The following MPPED2 variants were observed in gnomAD, a reference collection of about 807,000 sequenced individuals.
MPPED2 encodes the protein metallophosphoesterase domain containing 2, also known as metallophosphoesterase MPPED2.
A neutral mutation model predicts 33.0 loss-of-function variants in MPPED2; 5 were observed. That is an observed-to-expected ratio of 0.15 (90% confidence interval 0.08 to 0.32). The LOEUF is 0.32. Ranked by LOEUF, MPPED2 falls within the 10% of genes least tolerant of loss-of-function variation. The pLI, the probability that MPPED2 is intolerant of heterozygous loss-of-function variation, is 1.00. For missense variants in MPPED2, 275 were observed against 372.1 expected, an observed-to-expected ratio of 0.74 and a Z score of 2.15; for synonymous variants, 136 against 141.9, an observed-to-expected ratio of 0.96 and a Z score of 0.29.
intron 4 of MPPED2, among the ~76,000 whole-genome samples, chr11:30,454,095 G>A (rs1045915396): frequency 6.6e-6 from 1 of 152,158 alleles, no homozygotes; most frequent in Non-Finnish European, 1.5e-5. Flanking sequence ...TTAAAAGGGA[G>A]GGGGCTTCTT....
At chr11:30,399,141 A>G (rs905342401) in intron 6 of MPPED2, among the ~76,000 whole-genome samples, 1 of 140,692 alleles carries the variant, frequency 7.1e-6, no homozygotes, top group African/African-American at 2.6e-5. Flanking sequence ...GGATATGGAA[A>G]CATTAAAAAA....
intron 4 of MPPED2, among the ~76,000 whole-genome samples, chr11:30,480,613 G>A (rs899571137): frequency 1.3e-5 from 2 of 152,090 alleles, no homozygotes; most frequent in African/African-American, 4.8e-5. Context: ...GGAGTTTTGA[G>A]ACTTTGCTCC....
intron 4 of MPPED2, among the ~76,000 whole-genome samples, chr11:30,461,463 G>A (rs1042083953): frequency 1.3e-5 from 2 of 152,120 alleles, no homozygotes; most frequent in African/African-American, 2.4e-5. Context: ...AACTGGCCTC[G>A]GTGAGTACTG....
intron 2 of MPPED2, among the ~76,000 whole-genome samples, chr11:30,563,169 CA>C (rs1351940562): frequency 6.7e-6 from 1 of 148,584 alleles, no homozygotes; most frequent in East Asian, 1.9e-4. Flanking sequence ...TCTCCTTGCT[CA>C]TTTCCTCCCT....
chr11:30,527,870 A>T (rs367837466), intron 3 of MPPED2, among the ~76,000 whole-genome samples: 1 of 152,328 alleles, frequency 6.6e-6, no homozygotes, highest in East Asian at 1.9e-4. Flanking sequence ...AAGAGCTGTC[A>T]CTGCACAGCA....
At chr11:30,467,430 C>G (rs1461736346) in intron 4 of MPPED2, among the ~76,000 whole-genome samples, 1 of 152,178 alleles carries the variant, frequency 6.6e-6, no homozygotes, top group African/African-American at 2.4e-5. Context: ...TCACTCCCAG[C>G]TTGGGAAGGG....
At chr11:30,389,132 T>G (rs1947739419) in intron 6 of MPPED2, among the ~76,000 whole-genome samples, 1 of 152,154 alleles carries the variant, frequency 6.6e-6, no homozygotes, top group African/African-American at 2.4e-5. Context: ...ATCTTGGCTT[T>G]TAACAAGGCC....
chr11:30,457,751 G>A (rs1305184213), intron 4 of MPPED2, among the ~76,000 whole-genome samples: 2 of 152,086 alleles, frequency 1.3e-5, no homozygotes, highest in East Asian at 1.9e-4. Flanking sequence ...CAAGTACACT[G>A]CAAAAAAGTT....
intron 2 of MPPED2, among the ~76,000 whole-genome samples, chr11:30,538,803 G>A (rs527349911): frequency 2.0e-5 from 3 of 152,152 alleles, no homozygotes; most frequent in Admixed American, 1.3e-4. Context: ...ACAGAAGATC[G>A]ATTCAAGGCA....
At chr11:30,480,398 G>A (rs1365956860) in intron 4 of MPPED2, among the ~76,000 whole-genome samples, 1 of 151,736 alleles carries the variant, frequency 6.6e-6, no homozygotes, top group Non-Finnish European at 1.5e-5. Context: ...CCAATTTCAT[G>A]TTAAAATAAT....
At chr11:30,470,495 T>A (rs971454469) in intron 4 of MPPED2, among the ~76,000 whole-genome samples, 2 of 152,188 alleles carry the variant, frequency 1.3e-5, no homozygotes, top group African/African-American at 4.8e-5. Flanking sequence ...GTTTCTTTTT[T>A]ATGTGATGAA....
At chr11:30,548,899 T>C (rs1955570503) in intron 2 of MPPED2, among the ~76,000 whole-genome samples, 1 of 152,188 alleles carries the variant, frequency 6.6e-6, no homozygotes, top group African/African-American at 2.4e-5. Flanking sequence ...TTCACAGTTG[T>C]ATGAAGATTA....
intron 2 of MPPED2, among the ~76,000 whole-genome samples, chr11:30,574,471 G>A (rs117043275): frequency 8.6e-4 from 131 of 152,280 alleles, no homozygotes; most frequent in Non-Finnish European, 1.6e-3. Context: ...CCTAGAAGAT[G>A]CATTTCTCAG....
At chr11:30,549,790 G>T (rs962409946) in intron 2 of MPPED2, among the ~76,000 whole-genome samples, 1 of 152,092 alleles carries the variant, frequency 6.6e-6, no homozygotes, top group Non-Finnish European at 1.5e-5. Context: ...AGGTGCACAC[G>T]TGACTGCCGC....
Position 30,496,128 on chromosome 11 carries a change from T to A in MPPED2, c.311-607A>T, listed in dbSNP as rs1044924630. Reference sequence around the variant, plus strand: ...ATTAGAAGGCTAACTTTCCTCCTATTGGGATGGGAGAAGAAACTGTAAAGT... The same window carrying A: ...ATTAGAAGGCTAACTTTCCTCCTATAGGGATGGGAGAAGAAACTGTAAAGT... On this transcript the variant is annotated intron_variant, in intron 3 of 6. Coordinates refer to ENST00000358117, the MANE Select transcript of MPPED2 (RefSeq NM_001584.3). 3.9e-5 allele frequency among the ~76,000 whole-genome samples: 6 copies of A among 152,210 alleles called. No individual in the cohort carries two copies. In the East Asian group the frequency reaches 1.2e-3, roughly 29 times the overall value.
intron 1 of MPPED2, among the ~76,000 whole-genome samples, chr11:30,581,358 A>G (rs958490132): frequency 3.3e-5 from 5 of 152,188 alleles, no homozygotes; most frequent in Non-Finnish European, 7.3e-5. Flanking sequence ...AAATGTCAAT[A>G]TATTATTTGC....
intron 2 of MPPED2, among the ~76,000 whole-genome samples, chr11:30,567,927 G>A (rs1339890275): frequency 6.6e-6 from 1 of 152,148 alleles, no homozygotes; most frequent in Non-Finnish European, 1.5e-5. Flanking sequence ...TCCCTTGGGA[G>A]AGAGCAAAAC....
At chr11:30,474,212 A>G (rs1469622889) in intron 4 of MPPED2, among the ~76,000 whole-genome samples, 1 of 152,116 alleles carries the variant, frequency 6.6e-6, no homozygotes, top group Non-Finnish European at 1.5e-5. Context: ...CATCACCACC[A>G]CCACGGTTGA....
intron 2 of MPPED2, among the ~76,000 whole-genome samples, chr11:30,554,965 A>G (rs1955897961): frequency 6.6e-6 from 1 of 152,196 alleles, no homozygotes. Flanking sequence ...AGTCTCCCAG[A>G]TTCCACAGCT....
Sources: allele counts gnomAD v4.1 joint callset (sites outside exome capture counted in the v4.1 genomes callset), GRCh38; gene constraint gnomAD v4.1.1; transcripts MANE v1.5; gene names NCBI Gene and HGNC (gene_info 2026-07-23, HGNC 2026-07-21).